Variants in ADAMTS16 observed in about 807,000 individuals in gnomAD.
The protein encoded by ADAMTS16 is A disintegrin and metalloproteinase with thrombospondin motifs 16.
ADAMTS16 carries 94 observed loss-of-function variants against 145.8 expected under a neutral mutation model. That is an observed-to-expected ratio of 0.64 (90% CI 0.55 to 0.77). The LOEUF (loss-of-function observed/expected upper bound fraction) is 0.77, where lower values mean the gene tolerates loss of function less well. ADAMTS16 is among the 30% of genes least tolerant of loss of function. The pLI is 0.00. For missense variants in ADAMTS16, 1,585 were observed against 1,591.5 expected (o/e 1.00, Z 0.07); for synonymous variants, 659 against 604.3 (o/e 1.09, Z -1.33).
intron 10 of ADAMTS16, among the ~76,000 whole-genome samples, chr5:5,215,323 C>T (rs1353765362): frequency 6.6e-6 from 1 of 152,114 alleles, no homozygotes; most frequent in Non-Finnish European, 1.5e-5. Flanking sequence ...GTATATCTGA[C>T]TGTAACATCA....
In ADAMTS16 at chr5:5,317,781, T is replaced by A. The variant is rs536934405; in HGVS notation, c.3412-353T>A. Among the ~76,000 whole-genome samples, 4 of 152,308 alleles carry A rather than the reference T, an allele frequency of 2.6e-5. No individual in the cohort carries two copies. In the East Asian group the frequency reaches 7.7e-4, roughly 29 times the overall value. ...GTCTGTTGAGACTATAGAATCCAAC[T>A]CTAGCGGTTCAAATCCCAGCCTGAG... On this transcript the variant is annotated intron_variant, in intron 21 of 22. Transcript: ENST00000274181. This position sits in a 1 kb window ranked among gnomAD's most constrained non-coding sequence, Gnocchi z 4.5.
rs1734281911 is a variant in ADAMTS16 at position 5,146,011 on chromosome 5, TTCA to T, written c.176-114_176-112del. 3.5e-6 allele frequency: 3 copies of T among 863,636 alleles called. No individual in the cohort carries two copies. In the East Asian group the frequency reaches 8.0e-5, roughly 23 times the overall value. 53.5% of individuals were successfully genotyped at this position (863,636 alleles called of 1,614,324 possible). ...AGTATGGGTAGGTGTTGCATTTTTC[TTCA>T]TCATTTTTGACTGGGTGGAAAGGTC... On this transcript the variant is annotated intron_variant, in intron 2 of 22. Transcript: ENST00000274181.
At chr5:5,190,282 T>C (rs1429087443) in intron 7 of ADAMTS16, 152 bp downstream of exon 7, 3 of 719,004 alleles carry the variant, frequency 4.2e-6, no homozygotes, top group Non-Finnish European at 6.3e-6. Flanking sequence ...GTATAAACTT[T>C]AGCCAAACAT....
intron 8 of ADAMTS16, among the ~76,000 whole-genome samples, chr5:5,195,936 G>A (rs756692240): frequency 6.6e-6 from 1 of 152,164 alleles, no homozygotes; most frequent in East Asian, 1.9e-4. Context: ...CTTAAAAGAA[G>A]CAGCATTGGG....
chr5:5,164,821 C>T lies in ADAMTS16; in HGVS notation c.502-17223C>T, dbSNP rs12654952. ...CCTCCCGAGTAGCTGGGACTACAGG[C>T]GCCCGCCACCACGCCCGGCTAATTT... On this transcript the variant is annotated intron_variant, in intron 3 of 22. Coordinates refer to ENST00000274181, the MANE Select transcript of ADAMTS16 (RefSeq NM_139056.4). Among the ~76,000 whole-genome samples the T allele has an allele frequency of 2.0e-3, 298 of 152,138 alleles. 7 individuals carry two copies. In the East Asian group the frequency reaches 0.044, roughly 22 times the overall value.
At chr5:5,143,827 G>A (rs552682507) in intron 2 of ADAMTS16, among the ~76,000 whole-genome samples, 1 of 152,296 alleles carries the variant, frequency 6.6e-6, no homozygotes, top group East Asian at 1.9e-4. Context: ...CATGTCATTT[G>A]CAGGGACATG....
intron 18 of ADAMTS16, among the ~76,000 whole-genome samples, chr5:5,292,849 G>C (rs4585408): frequency 0.69 from 104,573 of 152,170 alleles, 36,430 homozygotes; most frequent in African/African-American, 0.72. Flanking sequence ...CATAGCCATT[G>C]TTAATGTCCA....
rs558525119 is a variant in ADAMTS16, at chr5:5,276,686, A to G, written c.2789+13903A>G. Among the ~76,000 whole-genome samples, 4 of 152,214 alleles carry G rather than the reference A, an allele frequency of 2.6e-5. No individual in the cohort carries two copies. In the East Asian group the frequency reaches 7.7e-4, roughly 29 times the overall value. On this transcript the variant is annotated intron_variant, in intron 18 of 22. Transcript: ENST00000274181. Reference sequence around the variant, plus strand: ...GAGGCTGGGCCAGCGAGCAGGAGAGAAGGCATCGCTGATTCACACAGTGGG... The same window carrying G: ...GAGGCTGGGCCAGCGAGCAGGAGAGGAGGCATCGCTGATTCACACAGTGGG...
intron 11 of ADAMTS16, among the ~76,000 whole-genome samples, chr5:5,225,237 C>A (rs1038687592): frequency 2.0e-5 from 3 of 151,000 alleles, no homozygotes; most frequent in African/African-American, 7.3e-5. Context: ...TGGGAGGGGG[C>A]GGGACAAAAA....
At chr5:5,183,189 T>C (rs1269630768) in intron 4 of ADAMTS16, among the ~76,000 whole-genome samples, 1 of 152,218 alleles carries the variant, frequency 6.6e-6, no homozygotes, top group East Asian at 1.9e-4. Context: ...TGCATTCAGA[T>C]GACTTGAAAA....
At chr5:5,230,622 T>A (rs1018570657) in intron 11 of ADAMTS16, among the ~76,000 whole-genome samples, 1 of 152,220 alleles carries the variant, frequency 6.6e-6, no homozygotes, top group Admixed American at 6.5e-5. Context: ...CCTCTACTTG[T>A]GTATATCTTT....
chr5:5,187,720 T>C lies in ADAMTS16; in HGVS notation c.964-5T>C. ...GGGCTGACATGGATTTCCTGTCTTT[T>C]TCAGGTATCTGCTTTATTCAAAGAT... On this transcript the variant is annotated splice_region_variant and splice_polypyrimidine_tract_variant and intron_variant, in intron 5 of 22. Coordinates refer to ENST00000274181, the MANE Select transcript of ADAMTS16 (RefSeq NM_139056.4). 1.2e-6 allele frequency: 2 copies of C among 1,606,058 alleles called. No individual in the cohort carries two copies. Among genetic ancestry groups the C allele is most frequent in the Non-Finnish European group, 1.7e-6 (2 of 1,173,194 alleles).
intron 6 of ADAMTS16, among the ~76,000 whole-genome samples, chr5:5,189,251 A>G (rs1347094478): frequency 1.3e-5 from 2 of 152,174 alleles, no homozygotes; most frequent in Non-Finnish European, 2.9e-5. Context: ...GGTTCAAATA[A>G]CTTGGTGCAG....
intron 2 of ADAMTS16, chr5:5,142,045 T>G (rs1206375838): frequency 7.0e-6 from 1 of 143,414 alleles, no homozygotes; most frequent in Non-Finnish European, 1.5e-5. Flanking sequence ...TAATTCACCT[T>G]TTTAAGTAAG....
rs1247193737 is a variant in ADAMTS16, at chr5:5,140,553, G to A, written c.72+14G>A. 9 of 1,501,874 alleles carry A rather than the reference G, an allele frequency of 6.0e-6. No homozygotes were observed. The African/African-American group carries it at 7.2e-5, about 12-fold the overall frequency. The allele number at this position is 1,501,874 out of a possible 1,614,324, so 93.0% of individuals were successfully genotyped here. A position where few individuals can be genotyped will look rare whatever the true frequency, so the allele number is the denominator to read the frequency against. ...GTGGCCGAGCAGGTGAGTCCCGGGC[G>A]CTCCCACCAGCGCGGAAACCGCGGG... On this transcript the variant is annotated intron_variant, in intron 1 of 22. Coordinates refer to ENST00000274181, the MANE Select transcript of ADAMTS16 (RefSeq NM_139056.4).
chr5:5,288,591 A>G (rs1286476384), intron 18 of ADAMTS16, among the ~76,000 whole-genome samples: 1 of 152,202 alleles, frequency 6.6e-6, no homozygotes, highest in Non-Finnish European at 1.5e-5. Flanking sequence ...TTTTACCAGG[A>G]GTAATGAATT....
intron 3 of ADAMTS16, among the ~76,000 whole-genome samples, chr5:5,169,355 C>T (rs1308189573): frequency 2.6e-5 from 4 of 152,286 alleles, no homozygotes; most frequent in South Asian, 4.1e-4. Context: ...AAATGTCCAG[C>T]GAAGGCTGAA....
chr5:5,192,201 C>T (rs1410109179), intron 8 of ADAMTS16, among the ~76,000 whole-genome samples: 2 of 152,132 alleles, frequency 1.3e-5, no homozygotes, highest in Non-Finnish European at 2.9e-5. Context: ...TCAGGCTGTG[C>T]ACATTTGAAA....
At chr5:5,162,820 A>AC (rs1310975907) in intron 3 of ADAMTS16, among the ~76,000 whole-genome samples, 1 of 152,124 alleles carries the variant, frequency 6.6e-6, no homozygotes, top group Non-Finnish European at 1.5e-5. Context: ...AGACAGAAAA[A>AC]CACATACATT....
Sources: gnomAD v4.1 joint callset for allele counts (sites outside exome capture counted in the v4.1 genomes callset) on GRCh38, gnomAD v4.1.1 for gene constraint, Gnocchi (gnomAD v3.1) non-coding constraint, MANE v1.5 for transcripts, NCBI Gene and HGNC (gene_info 2026-07-23, HGNC 2026-07-21) for gene names.